Variants in NAIP observed in about 807,000 individuals in gnomAD.
NAIP encodes baculoviral IAP repeat-containing protein 1.
A neutral mutation model predicts 23.0 loss-of-function variants in NAIP; 15 were observed. The ratio of observed to expected loss-of-function variants is 0.65; its 90% CI spans 0.44 to 1.00. The LOEUF (loss-of-function observed/expected upper bound fraction) is 1.00, where lower values mean the gene tolerates loss of function less well. Ranked by LOEUF, NAIP falls within the 50% of genes least tolerant of loss-of-function variation. The pLI is 0.00. For synonymous variants in NAIP, 100 were observed against 100.2 expected (o/e 1.00, Z 0.01); for missense variants, 265 against 278.8 (o/e 0.95, Z 0.35).
Position 71,011,365 on chromosome 5 carries a change from T to C in NAIP, c.578A>G (p.Asp193Gly), listed in dbSNP as rs759213999. The change falls in exon 5 of 17, where the codon GAC becomes GGC. Residue 193 changes from aspartate (D) to glycine (G), a missense_variant. Around this residue, in one of 2 missense-constraint regions of NAIP, gnomAD observed 261 missense variants for 259.2 expected, o/e 1.01. Transcript: ENST00000517649. ...ACCACAGGAAAAACACTGTACCGTG[T>C]CCTGTTTACCTATATATGAAGGAAA... ...EAGFVFTGKQ[D>G]TVQCFSCGGC... The C allele has an allele frequency of 1.1e-5, 17 of 1,599,838 alleles. 1 individual carries two copies. In the South Asian group the frequency reaches 1.8e-4, roughly 17 times the overall value.
rs376332840 is a variant in NAIP, at chr5:71,011,356, T to C, written c.587A>G (p.Gln196Arg). The change falls in exon 5 of 17, where the codon CAG becomes CGG. Residue 196 changes from glutamine (Q) to arginine (R), a missense_variant. Gln to Arg is a conservative substitution (Grantham distance 43). This residue lies in a region of NAIP where 261 missense variants were observed against 259.2 expected (regional missense o/e 1.01). Transcript: ENST00000517649. ...FVFTGKQDTV[Q>R]CFSCGGCLGN... ...TAAACATCCACCACAGGAAAAACAC[T>C]GTACCGTGTCCTGTTTACCTATATA... The C allele has an allele frequency of 3.7e-6, 6 of 1,603,338 alleles. No homozygotes were observed. The highest frequency in any genetic ancestry group is 5.1e-6 in the Non-Finnish European group (6 of 1,174,274).
At chr5:71,012,312 G>T in intron 4 of NAIP, 36 bp downstream of exon 4, 1 of 1,521,750 alleles carries the variant, frequency 6.6e-7, no homozygotes, top group South Asian at 1.2e-5. Flanking sequence ...AACTTAAAAC[G>T]CCAGAGAAAC....
chr5:71,017,916 T>A (rs1441334063), intron 3 of NAIP, among the ~76,000 whole-genome samples: 9 of 135,372 alleles, frequency 6.6e-5, no homozygotes, highest in Admixed American at 2.9e-4. Flanking sequence ...ACAAGTGCAG[T>A]GGCATGATTC....
Position 71,007,318 on chromosome 5 carries a change from C to T in NAIP, c.669-3461G>A, listed in dbSNP as rs1475249027. The stretch of plus-strand genomic sequence containing the variant: ...ATGATTTCACAATTCTAGCTTCATT[C>T]GTCCCTATAACTATCTCATCTACTT... On this transcript the variant is annotated intron_variant, in intron 5 of 16. Transcript: ENST00000517649. Among the ~76,000 whole-genome samples, 4 of 65,432 alleles carry T rather than the reference C, an allele frequency of 6.1e-5. 2 individuals carry two copies. The highest frequency in any genetic ancestry group is 1.2e-4 in the Non-Finnish European group (4 of 33,730). The allele number at this position is 65,432 out of a possible 152,430, so 42.9% of individuals were successfully genotyped here.
chr5:71,008,801 C>CAAAAAA (rs1187402726), intron 5 of NAIP, among the ~76,000 whole-genome samples: 1 of 84,134 alleles, frequency 1.2e-5, no homozygotes, highest in African/African-American at 5.8e-5. Flanking sequence ...GAGACTGTCA[C>CAAAAAA]AAAAAAAAAA....
At chr5:70,996,792 CAAA>C (rs1222506915) in intron 9 of NAIP, among the ~76,000 whole-genome samples, 5 of 64,540 alleles carry the variant, frequency 7.7e-5, no homozygotes, top group African/African-American at 9.0e-5. Context: ...GACTCCATCT[CAAA>C]AAAAAAAAAA....
intron 5 of NAIP, among the ~76,000 whole-genome samples, chr5:71,009,490 A>C (rs1751045900): frequency 6.6e-6 from 1 of 151,290 alleles, no homozygotes; most frequent in Non-Finnish European, 1.5e-5. Flanking sequence ...CAGGAATTTC[A>C]GACCAGCCTG....
In NAIP at chr5:71,008,400, T is replaced by C. The variant is rs996202795; in HGVS notation, c.668+2875A>G. On this transcript the variant is annotated intron_variant, in intron 5 of 16. Coordinates refer to ENST00000517649, the MANE Select transcript of NAIP (RefSeq NM_004536.3). ...TCACTTTTGTGGGCATGGCTGTCCA[T>C]GTGCAAGATGACTTATAAATGTAAA... Among the ~76,000 whole-genome samples the C allele has an allele frequency of 5.9e-5, 6 of 101,134 alleles. 1 individual carries two copies. Among genetic ancestry groups the C allele is most frequent in the African/African-American group, 2.3e-4 (6 of 25,664 alleles). The allele number at this position is 101,134 out of a possible 152,430, so 66.3% of individuals were successfully genotyped here.
chr5:71,011,292 A>G lies in NAIP; in HGVS notation c.651T>C (p.His217=), dbSNP rs762339075. ...CTACTTACTTGGGGAACCATTTGGC[A>G]TGTTCCTTCCAAGGATCATCTCCTT... ...WEEGDDPWKE[H]AKWFPKCEFL... Residue 217 remains histidine, a synonymous_variant, in exon 5 of 17, where the codon CAT becomes CAC. Transcript: ENST00000517649. 11 of 1,601,190 alleles carry G rather than the reference A, an allele frequency of 6.9e-6. No homozygotes were observed. The Middle Eastern group carries it at 6.6e-4, about 97-fold the overall frequency.
rs775483592 is a variant in NAIP, at chr5:71,014,660, T to C, written c.-3-1742A>G. ...GCTCATGCCTGTAATCCCAGCACTT[T>C]GGGAGGCTGAGGCGGGCAGATCACC... On this transcript the variant is annotated intron_variant, in intron 3 of 16. Transcript: ENST00000517649. Among the ~76,000 whole-genome samples, 10 of 151,500 alleles carry C rather than the reference T, an allele frequency of 6.6e-5. 1 individual carries two copies. The highest frequency in any genetic ancestry group is 1.0e-4 in the Non-Finnish European group (7 of 67,788).
intron 3 of NAIP, among the ~76,000 whole-genome samples, chr5:71,014,544 C>G (rs1751345404): frequency 6.6e-6 from 1 of 151,680 alleles, no homozygotes; most frequent in Non-Finnish European, 1.5e-5. Flanking sequence ...TTAACAAGCA[C>G]TTCCAATTCA....
intron 3 of NAIP, among the ~76,000 whole-genome samples, chr5:71,014,211 C>A (rs1051468051): frequency 6.6e-6 from 1 of 151,066 alleles, no homozygotes; most frequent in Admixed American, 6.6e-5. Context: ...AATTCTCCTG[C>A]CTCAGCCTCC....
At position 71,012,445 on chromosome 5, in the gene NAIP, T is replaced by C; in HGVS notation, c.471A>G (p.Gln157=). The C allele has an allele frequency of 6.2e-7, 1 of 1,611,670 alleles. No individual in the cohort carries two copies. The highest frequency in any genetic ancestry group is 2.2e-5 in the East Asian group (1 of 44,836). ...AGGACGCAAGTCTAGCCTCCTCTTC[T>C]TGGTACCTCATTTTACCTCCTCTCA... ...SRLRGGKMRY[Q]EEEARLASFR... is the part of the protein sequence containing the mutation. Residue 157 remains glutamine (Q), a synonymous_variant, in exon 4 of 17, where the codon CAA becomes CAG. Transcript: ENST00000517649.
At chr5:71,011,517 A>T (rs1046069727) in intron 4 of NAIP, 143 bp from the exon 5 acceptor site, 1 of 706,664 alleles carries the variant, frequency 1.4e-6, no homozygotes, top group Admixed American at 2.9e-5. Flanking sequence ...CTCCATCCTC[A>T]ATCCCACCAC....
chr5:71,008,226 C>T (rs1219483067), intron 5 of NAIP, among the ~76,000 whole-genome samples: 49 of 149,626 alleles, frequency 3.3e-4, no homozygotes, highest in Non-Finnish European at 3.3e-4. Flanking sequence ...CCTGCCACCA[C>T]GCCTGGCCAA....
chr5:71,013,506 G>T (rs1358836923), intron 3 of NAIP, among the ~76,000 whole-genome samples: 3 of 150,792 alleles, frequency 2.0e-5, no homozygotes, highest in Admixed American at 6.6e-5. Flanking sequence ...CGGGCGTGGT[G>T]GCGGGCGCCT....
chr5:71,011,208 G>A (rs930479836), intron 5 of NAIP, 67 bp downstream of exon 5: 11 of 1,216,492 alleles, frequency 9.0e-6, no homozygotes, highest in Admixed American at 2.2e-5. Flanking sequence ...ACTCCAGCCT[G>A]GGTGGCAGAG....
intron 13 of NAIP, among the ~76,000 whole-genome samples, chr5:70,978,903 G>T (rs1750434654): frequency 3.4e-5 from 1 of 29,644 alleles, no homozygotes; most frequent in Non-Finnish European, 5.0e-5. Flanking sequence ...ACAATGGCGC[G>T]ATCTCGGCTC....
intron 3 of NAIP, among the ~76,000 whole-genome samples, chr5:71,016,158 G>A (rs372872440): frequency 6.6e-6 from 1 of 150,586 alleles, no homozygotes; most frequent in East Asian, 2.0e-4. Flanking sequence ...GCGGGGCATG[G>A]TGGCATGTGC....
Sources: gnomAD v4.1 joint callset for allele counts (sites outside exome capture counted in the v4.1 genomes callset) on GRCh38, gnomAD v4.1.1 for gene constraint, gnomAD v4.1.1 regional missense constraint, MANE v1.5 for transcripts, NCBI Gene and HGNC (gene_info 2026-07-23, HGNC 2026-07-21) for gene names.